Variants in ZNF215 observed in about 807,000 individuals in gnomAD.
The protein encoded by ZNF215 is BWSCR2-associated zinc finger protein 2.
ZNF215 carries 24 observed loss-of-function variants against 27.2 expected under a neutral mutation model. The ratio of observed to expected loss-of-function variants is 0.88; its 90% CI spans 0.64 to 1.24. The LOEUF (loss-of-function observed/expected upper bound fraction) is 1.24, where lower values mean the gene tolerates loss of function less well. Among genes scored for constraint, ZNF215 ranks in the 50% most tolerant of loss-of-function variants. The probability of loss-of-function intolerance (pLI) is 0.00; values close to 1 mark genes in which losing one functional copy is unlikely to be tolerated. For missense variants in ZNF215, 675 were observed against 605.7 expected (o/e 1.11, Z -1.20); for synonymous variants, 210 against 204.0 (o/e 1.03, Z -0.25).
At chr11:6,937,861 A>G (rs958813598) in intron 3 of ZNF215, among the ~76,000 whole-genome samples, 5 of 151,954 alleles carry the variant, frequency 3.3e-5, no homozygotes, top group South Asian at 2.1e-4. Flanking sequence ...AGATGGGTCA[A>G]TTGTCTAAAT....
chr11:6,966,513 T>C (rs1047438299), intron 5 of ZNF215, among the ~76,000 whole-genome samples: 6 of 152,086 alleles, frequency 3.9e-5, no homozygotes, highest in Non-Finnish European at 5.9e-5. Flanking sequence ...AAAAAAATGT[T>C]TATATCATCT....
Position 6,956,935 on chromosome 11 carries a change from C to T in ZNF215, c.*404C>T. 1 of 992,236 alleles carries T rather than the reference C, an allele frequency of 1.0e-6. No homozygotes were observed. The highest frequency in any genetic ancestry group is 1.2e-6 in the Non-Finnish European group (1 of 834,022). 61.5% of individuals were successfully genotyped at this position (992,236 alleles called of 1,614,324 possible). On this transcript the variant is annotated 3_prime_UTR_variant, in exon 7 of 7. Coordinates refer to ENST00000278319, the MANE Select transcript of ZNF215 (RefSeq NM_013250.4). ...AGTTGATATTTAATAAAACTCAGCC[C>T]TTTTAAGAAGGTCACAAGAAATCAT...
intron 2 of ZNF215, among the ~76,000 whole-genome samples, chr11:6,929,074 C>T (rs187270974): frequency 6.6e-6 from 1 of 152,234 alleles, no homozygotes; most frequent in Admixed American, 6.5e-5. Context: ...TTTTCTATCC[C>T]GCGAGACCCA....
chr11:6,981,462 T>C (rs1207300487), intron 5 of ZNF215, among the ~76,000 whole-genome samples: 5 of 152,124 alleles, frequency 3.3e-5, no homozygotes, highest in African/African-American at 4.8e-5. Flanking sequence ...GGGTTGTTTG[T>C]TTCTTCTTGT....
chr11:6,952,404 G>A (rs925474989), intron 6 of ZNF215, among the ~76,000 whole-genome samples: 2 of 152,138 alleles, frequency 1.3e-5, no homozygotes, highest in Non-Finnish European at 2.9e-5. Flanking sequence ...CTTGCTTTAT[G>A]AATCTGGGTG....
intron 3 of ZNF215, among the ~76,000 whole-genome samples, chr11:6,939,626 G>A (rs1489516089): frequency 6.6e-6 from 1 of 152,158 alleles, no homozygotes; most frequent in East Asian, 1.9e-4. Flanking sequence ...CATTTAGCAA[G>A]GGAGAAGGAA....
chr11:6,943,997 T>C (rs114709650), intron 6 of ZNF215, among the ~76,000 whole-genome samples: 12,452 of 152,182 alleles, frequency 0.082, 990 homozygotes, highest in African/African-American at 0.21. Flanking sequence ...ATGGTATGGC[T>C]GGGCGTGGTG....
intron 6 of ZNF215, among the ~76,000 whole-genome samples, chr11:6,952,664 C>G (rs1346319174): frequency 1.3e-5 from 2 of 152,036 alleles, no homozygotes; most frequent in East Asian, 1.9e-4. Flanking sequence ...ATACAGCACA[C>G]TGATGGGTCT....
downstream of ZNF215, among the ~76,000 whole-genome samples, chr11:6,990,740 C>CA (rs1851106017): frequency 6.6e-6 from 1 of 152,170 alleles, no homozygotes; most frequent in African/African-American, 2.4e-5. Flanking sequence ...TCCAGATCCC[C>CA]AAAACACACA....
intron 6 of ZNF215, among the ~76,000 whole-genome samples, chr11:6,944,511 T>C (rs981543163): frequency 6.6e-6 from 1 of 151,996 alleles, no homozygotes; most frequent in African/African-American, 2.4e-5. Flanking sequence ...TGCCTCAGCT[T>C]CTACCTGGAG....
chr11:6,950,786 A>G (rs1198046162), intron 6 of ZNF215, among the ~76,000 whole-genome samples: 1 of 148,028 alleles, frequency 6.8e-6, no homozygotes, highest in African/African-American at 2.5e-5. Context: ...AGGAGTGGTG[A>G]GAGAGGGCAT....
downstream of ZNF215, among the ~76,000 whole-genome samples, chr11:6,961,130 T>TA (rs745841614): frequency 1.2e-3 from 177 of 152,270 alleles, no homozygotes; most frequent in Non-Finnish European, 2.0e-3. Flanking sequence ...AAATGTAACT[T>TA]ACATTTGGTC....
intron 2 of ZNF215, among the ~76,000 whole-genome samples, chr11:6,931,646 G>C (rs1295493016): frequency 6.6e-6 from 1 of 152,058 alleles, no homozygotes; most frequent in East Asian, 1.9e-4. Context: ...TTAAACAATT[G>C]TCTCTTACCT....
At chr11:6,970,721 T>A (rs557995009) in intron 5 of ZNF215, among the ~76,000 whole-genome samples, 16 of 152,290 alleles carry the variant, frequency 1.1e-4, no homozygotes, top group African/African-American at 3.6e-4. Flanking sequence ...TGAAAAGTTT[T>A]AAAAATAACT....
At chr11:6,992,203 A>G (rs1462367057), downstream of ZNF215, among the ~76,000 whole-genome samples, 2 of 152,222 alleles carry the variant, frequency 1.3e-5, no homozygotes. Flanking sequence ...CCTTAATGCA[A>G]TCACAGGAAT....
intron 6 of ZNF215, among the ~76,000 whole-genome samples, chr11:6,953,065 C>A (rs1433038011): frequency 6.6e-6 from 1 of 152,198 alleles, no homozygotes; most frequent in African/African-American, 2.4e-5. Context: ...TATTGGCCCC[C>A]ACTCTCTTCT....
In ZNF215 at chr11:6,956,461, G is replaced by C. The variant is rs1564966217; in HGVS notation, c.1484G>C (p.Cys495Ser). 3 of 1,613,990 alleles carry C rather than the reference G, an allele frequency of 1.9e-6. No homozygotes were observed. The Admixed American group carries it at 5.0e-5, about 27-fold the overall frequency. ...TGEKPFKCKE[C>S]SKAFNRSSNL... is the part of the protein sequence containing the mutation. ...GAGAAACCATTCAAATGTAAGGAAT[G>C]TAGTAAAGCCTTCAACAGGAGTTCA... Residue 495 changes from cysteine to serine, a missense_variant, in exon 7 of 7, where the codon TGT becomes TCT. Coordinates refer to ENST00000278319, the MANE Select transcript of ZNF215 (RefSeq NM_013250.4).
intron 3 of ZNF215, among the ~76,000 whole-genome samples, chr11:6,937,772 T>C (rs761000757): frequency 3.9e-5 from 6 of 151,900 alleles, no homozygotes; most frequent in Non-Finnish European, 8.8e-5. Flanking sequence ...TCAACAAATA[T>C]TGCTGGGACC....
chr11:6,978,022 A>T (rs144739927), intron 5 of ZNF215, among the ~76,000 whole-genome samples: 2 of 152,066 alleles, frequency 1.3e-5, no homozygotes, highest in Non-Finnish European at 2.9e-5. Flanking sequence ...GTGAATTTCA[A>T]TCCCATCAGT....
Sources: gnomAD v4.1 joint callset for allele counts (sites outside exome capture counted in the v4.1 genomes callset) on GRCh38, gnomAD v4.1.1 for gene constraint, MANE v1.5 for transcripts, NCBI Gene and HGNC (gene_info 2026-07-23, HGNC 2026-07-21) for gene names.